The following PARD3B variants were observed in gnomAD, a reference collection of about 807,000 sequenced individuals.
The protein encoded by PARD3B is partitioning defective 3 homolog B.
In PARD3B, 103 loss-of-function variants were observed where a neutral mutation model predicts 130.2. The observed-to-expected ratio is 0.79, with a 90% CI of 0.67 to 0.93. PARD3B has a LOEUF of 0.93. Ranked by LOEUF, PARD3B falls within the 40% of genes least tolerant of loss-of-function variation. The pLI is 0.00. For missense variants in PARD3B, 1,609 were observed against 1,499.2 expected (o/e 1.07, Z -1.21); for synonymous variants, 583 against 553.2 (o/e 1.05, Z -0.76).
chr2:205,328,838 T>C (rs142667615), intron 18 of PARD3B, among the ~76,000 whole-genome samples: 12 of 152,170 alleles, frequency 7.9e-5, no homozygotes, highest in African/African-American at 2.7e-4. Flanking sequence ...AAAAGGCCAG[T>C]ATGTTGTGTT....
chr2:205,508,546 C>T (rs996389242), intron 21 of PARD3B, among the ~76,000 whole-genome samples: 7 of 147,878 alleles, frequency 4.7e-5, no homozygotes, highest in African/African-American at 1.3e-4. Flanking sequence ...CATTCCAGCT[C>T]GGGCAACAGA....
chr2:204,971,218 G>A (rs778233240), intron 3 of PARD3B, among the ~76,000 whole-genome samples: 38 of 152,100 alleles, frequency 2.5e-4, no homozygotes, highest in Non-Finnish European at 5.3e-4. Context: ...GTAAAGAAAG[G>A]GGAAGTTTAT....
At chr2:205,139,305 T>G (rs752794319) in intron 10 of PARD3B, among the ~76,000 whole-genome samples, 26 of 152,166 alleles carry the variant, frequency 1.7e-4, no homozygotes, top group Admixed American at 6.5e-4. Flanking sequence ...CATTGTCTAC[T>G]TAAAGCTTGT....
At chr2:205,023,527 G>A (rs1463295011) in intron 3 of PARD3B, among the ~76,000 whole-genome samples, 1 of 131,006 alleles carries the variant, frequency 7.6e-6, no homozygotes, top group Admixed American at 8.8e-5. Flanking sequence ...TTTAGCAGCA[G>A]TACCCCCCCA....
intron 19 of PARD3B, among the ~76,000 whole-genome samples, chr2:205,417,272 T>A (rs2046811802): frequency 6.6e-6 from 1 of 152,140 alleles, no homozygotes; most frequent in African/African-American, 2.4e-5. Flanking sequence ...CCCTTTCTTA[T>A]GGCTGCATAA....
rs55668233 is a variant in PARD3B, at chr2:205,288,600, C to A, written c.2186-11930C>A. On this transcript the variant is annotated intron_variant, in intron 16 of 22. Transcript: ENST00000406610. The surrounding 1 kb of genome is among the most constrained non-coding windows in gnomAD (Gnocchi z 4.0). ...TTCTTAGCCAGATTTCAAAGCCCTT[C>A]ATGCCTTTACTTTATCCTTTCTACT... is the stretch of plus-strand genomic sequence containing the variant. 8.4e-3 allele frequency among the ~76,000 whole-genome samples: 1,286 copies of A among 152,302 alleles called. 15 individuals are homozygous for A. Among genetic ancestry groups the A allele is most frequent in the African/African-American group, 0.029 (1,215 of 41,562 alleles).
intron 2 of PARD3B, among the ~76,000 whole-genome samples, chr2:204,728,218 A>G (rs913755441): frequency 2.6e-5 from 4 of 151,986 alleles, no homozygotes; most frequent in Non-Finnish European, 5.9e-5. Flanking sequence ...TTATTTCTCA[A>G]TCCATTTATT....
chr2:204,904,465 CT>C (rs1201642815), intron 2 of PARD3B, among the ~76,000 whole-genome samples: 1 of 152,108 alleles, frequency 6.6e-6, no homozygotes, highest in African/African-American at 2.4e-5. Flanking sequence ...TATCAAATTC[CT>C]TTGGAAAACT....
chr2:204,615,945 A>T (rs1053374246), intron 1 of PARD3B, among the ~76,000 whole-genome samples: 1 of 152,194 alleles, frequency 6.6e-6, no homozygotes, highest in Non-Finnish European at 1.5e-5. Flanking sequence ...AAGTTCTTGA[A>T]GTCAGCTTTT....
chr2:205,453,351 A>G (rs767817082), intron 20 of PARD3B, among the ~76,000 whole-genome samples: 4 of 152,174 alleles, frequency 2.6e-5, no homozygotes, highest in Non-Finnish European at 5.9e-5. Flanking sequence ...AGTGTAAGTC[A>G]GGGCCAGCTG....
rs1475907188 is a variant in PARD3B at position 205,063,057 on chromosome 2, A to T, written c.504+15367A>T. Among the ~76,000 whole-genome samples, 12 of 152,020 alleles carry T rather than the reference A, an allele frequency of 7.9e-5. 1 individual carries two copies. In the South Asian group the frequency reaches 2.5e-3, roughly 31 times the overall value. ...ATATATTCAACTTTAGTCTCTGGTC[A>T]GTGTTTTCTTAGCAATTTGCAAATA... On this transcript the variant is annotated intron_variant, in intron 4 of 22. Transcript: ENST00000406610.
chr2:205,381,442 G>T (rs1342724064), intron 18 of PARD3B, among the ~76,000 whole-genome samples: 1 of 151,146 alleles, frequency 6.6e-6, no homozygotes, highest in Non-Finnish European at 1.5e-5. Context: ...TCCTCAAAAG[G>T]CTGTGTTCAA....
At chr2:205,310,620 T>G (rs1364200560) in intron 18 of PARD3B, among the ~76,000 whole-genome samples, 1 of 152,076 alleles carries the variant, frequency 6.6e-6, no homozygotes, top group Non-Finnish European at 1.5e-5. Context: ...CTTATTTCAC[T>G]TACATAATGT....
chr2:204,684,817 CAGTATT>C (rs1171678803), intron 1 of PARD3B, among the ~76,000 whole-genome samples: 1 of 152,150 alleles, frequency 6.6e-6, no homozygotes, highest in Non-Finnish European at 1.5e-5. Context: ...CCTATAAACT[CAGTATT>C]AGAAGTAAAC....
intron 2 of PARD3B, among the ~76,000 whole-genome samples, chr2:204,872,851 A>G (rs2045682458): frequency 6.6e-6 from 1 of 152,086 alleles, no homozygotes; most frequent in Non-Finnish European, 1.5e-5. Flanking sequence ...TGAGTCTTTT[A>G]TTGTGAATTG....
chr2:204,689,442 TTAA>T lies in PARD3B; in HGVS notation c.222+3165_222+3167del. On this transcript the variant is annotated intron_variant, in intron 2 of 22. Coordinates refer to ENST00000406610, the MANE Select transcript of PARD3B (RefSeq NM_001302769.2). This position sits in a 1 kb window ranked among gnomAD's most constrained non-coding sequence, Gnocchi z 5.2. ...TTTGTATAAAATGTTGTGCTGAAAC[TTAA>T]TAATTATCTGGTTGTGACAGTTATT... 6.6e-6 allele frequency among the ~76,000 whole-genome samples: 1 copy of T among 152,282 alleles called. No homozygotes were observed. Among genetic ancestry groups the T allele is most frequent in the Non-Finnish European group, 1.5e-5 (1 of 68,012 alleles).
At chr2:204,774,486 G>T (rs181770571) in intron 2 of PARD3B, among the ~76,000 whole-genome samples, 1 of 152,180 alleles carries the variant, frequency 6.6e-6, no homozygotes, top group Admixed American at 6.6e-5. Flanking sequence ...CTCAGCAAAT[G>T]CTGGTTATTT....
chr2:204,696,451 T>A (rs1048209479), intron 2 of PARD3B, among the ~76,000 whole-genome samples: 3 of 152,086 alleles, frequency 2.0e-5, no homozygotes, highest in Non-Finnish European at 4.4e-5. Context: ...GGTTCTCCTA[T>A]TTCCAGGACC....
Position 205,089,146 on chromosome 2 carries a change from C to CT in PARD3B, c.505-15268dup, listed in dbSNP as rs34517258. Among the ~76,000 whole-genome samples, 176 of 143,286 alleles carry CT rather than the reference C, an allele frequency of 1.2e-3. 1 individual carries two copies. Among genetic ancestry groups the CT allele is most frequent in the South Asian group, 9.8e-3 (44 of 4,494 alleles). The allele number at this position is 143,286 out of a possible 152,430, so 94.0% of individuals were successfully genotyped here. A position where few individuals can be genotyped will look rare whatever the true frequency, so the allele number is the denominator to read the frequency against. On this transcript the variant is annotated intron_variant, in intron 4 of 22. Transcript: ENST00000406610. Reference sequence around the variant, plus strand: ...TGGGCACTCTCTTTTTTTTTTCTTTCTTTTTTTTTTTTCTTTTTTTCTTTT... The same window carrying CT: ...TGGGCACTCTCTTTTTTTTTTCTTTCTTTTTTTTTTTTTCTTTTTTTCTTTT...
Sources: gnomAD v4.1 joint callset for allele counts (sites outside exome capture counted in the v4.1 genomes callset) on GRCh38, gnomAD v4.1.1 for gene constraint, Gnocchi (gnomAD v3.1) non-coding constraint, MANE v1.5 for transcripts, NCBI Gene and HGNC (gene_info 2026-07-23, HGNC 2026-07-21) for gene names.